Variants in PCED1B observed in about 807,000 individuals in gnomAD.
PCED1B encodes PC-esterase domain containing 1B.
For synonymous variants in PCED1B, 251 were observed against 246.1 expected (o/e 1.02, Z -0.19); for missense variants, 573 against 573.9 (o/e 1.00, Z 0.02).
intron 2 of PCED1B, among the ~76,000 whole-genome samples, chr12:47,124,514 T>G (rs1939809171): frequency 6.6e-6 from 1 of 151,718 alleles, no homozygotes; most frequent in Admixed American, 6.6e-5. Context: ...CATGAGGTTT[T>G]TTTTTTTTTG....
At position 47,099,795 on chromosome 12, in the gene PCED1B, A is replaced by G. The variant is rs1288325502; in HGVS notation, c.-608-4318A>G. The stretch of plus-strand genomic sequence containing the variant: ...TAAAGTGTTGCTTAAAGAAGCCACT[A>G]TTAGCAATTGAAAAGGACTTTCTAG... On this transcript the variant is annotated intron_variant, in intron 1 of 3. Coordinates refer to ENST00000546455, the MANE Select transcript of PCED1B (RefSeq NM_138371.3). 1.3e-5 allele frequency among the ~76,000 whole-genome samples: 2 copies of G among 152,236 alleles called. 1 individual carries two copies. The highest frequency in any genetic ancestry group is 4.8e-5 in the African/African-American group (2 of 41,458).
chr12:47,169,146 A>G (rs1156719303), intron 2 of PCED1B, among the ~76,000 whole-genome samples: 3 of 152,232 alleles, frequency 2.0e-5, no homozygotes, highest in Non-Finnish European at 4.4e-5. Flanking sequence ...GACCTAAAGA[A>G]ACAGTTAACC....
chr12:47,109,355 CTTTT>C (rs66532090), intron 2 of PCED1B, among the ~76,000 whole-genome samples: 1 of 147,742 alleles, frequency 6.8e-6, no homozygotes. Flanking sequence ...ACTTGAAAAA[CTTTT>C]TTTTTTTTTT....
At chr12:47,118,496 G>C (rs1302866750) in intron 2 of PCED1B, among the ~76,000 whole-genome samples, 1 of 152,178 alleles carries the variant, frequency 6.6e-6, no homozygotes, top group Admixed American at 6.5e-5. Context: ...AGATCAGATG[G>C]TTGTAGATGT....
chr12:47,181,100 C>T (rs1340346097), intron 2 of PCED1B, among the ~76,000 whole-genome samples: 1 of 151,956 alleles, frequency 6.6e-6, no homozygotes, highest in Non-Finnish European at 1.5e-5. Flanking sequence ...TCCCCCACCT[C>T]AGCCTCCTGG....
chr12:47,144,789 T>A (rs1940725477), intron 2 of PCED1B, among the ~76,000 whole-genome samples: 2 of 152,230 alleles, frequency 1.3e-5, no homozygotes, highest in South Asian at 4.1e-4. Context: ...ACGTTGTGTG[T>A]GTTCTGTCTG....
rs1051434647 is a variant in PCED1B at position 47,173,585 on chromosome 12, C to CT, written c.-525-42625dup. On this transcript the variant is annotated intron_variant, in intron 2 of 3. Coordinates refer to ENST00000546455, the MANE Select transcript of PCED1B (RefSeq NM_138371.3). ...CCTTAATTCTGTACATAAACACATA[C>CT]TTTTTTTTTTTTCTTAAACATGGTG... Among the ~76,000 whole-genome samples, 457 of 147,024 alleles carry CT rather than the reference C, an allele frequency of 3.1e-3. 1 individual carries two copies. Among genetic ancestry groups the CT allele is most frequent in the African/African-American group, 9.6e-3 (386 of 40,326 alleles).
intron 3 of PCED1B, among the ~76,000 whole-genome samples, chr12:47,223,169 C>T (rs1943536653): frequency 6.6e-6 from 1 of 151,972 alleles, no homozygotes; most frequent in Admixed American, 6.6e-5. Flanking sequence ...AAGAGAAACC[C>T]TCAAAAGATA....
At chr12:47,139,035 C>T (rs1008108353) in intron 2 of PCED1B, among the ~76,000 whole-genome samples, 2 of 152,134 alleles carry the variant, frequency 1.3e-5, no homozygotes, top group Non-Finnish European at 2.9e-5. Context: ...TATTATCTGT[C>T]TCCTTGAATA....
intron 2 of PCED1B, among the ~76,000 whole-genome samples, chr12:47,151,780 A>C (rs1332860557): frequency 6.6e-6 from 1 of 152,192 alleles, no homozygotes; most frequent in African/African-American, 2.4e-5. Context: ...CTTTTATTCT[A>C]TTCAGGCCTT....
At chr12:47,089,457 A>AATAC (rs1555187967) in intron 1 of PCED1B, among the ~76,000 whole-genome samples, 2 of 29,438 alleles carry the variant, frequency 6.8e-5, no homozygotes, top group Admixed American at 5.6e-4. Flanking sequence ...AAAAAAAAAA[A>AATAC]ATACATATAT....
At chr12:47,141,248 T>C (rs1008118339) in intron 2 of PCED1B, among the ~76,000 whole-genome samples, 9 of 152,222 alleles carry the variant, frequency 5.9e-5, no homozygotes, top group African/African-American at 1.9e-4. Flanking sequence ...AAGAACTTGG[T>C]AGCCATCCAT....
Position 47,142,644 on chromosome 12 carries a change from C to A in PCED1B, c.-526+38449C>A, listed in dbSNP as rs574619637. ...AACATAGAAAAGAACCAAACAAAAT[C>A]TTAGAGCTGAGGAATATAATGACAG... On this transcript the variant is annotated intron_variant, in intron 2 of 3. Coordinates refer to ENST00000546455, the MANE Select transcript of PCED1B (RefSeq NM_138371.3). Among the ~76,000 whole-genome samples the A allele has an allele frequency of 1.0e-3, 154 of 151,886 alleles. 1 individual carries two copies. The highest frequency in any genetic ancestry group is 4.4e-3 in the South Asian group (21 of 4,804).
intron 2 of PCED1B, among the ~76,000 whole-genome samples, chr12:47,195,798 T>G (rs1942585531): frequency 6.6e-6 from 1 of 152,258 alleles, no homozygotes; most frequent in Admixed American, 6.5e-5. Flanking sequence ...CTATTCACAT[T>G]TTATGTATAG....
At chr12:47,124,961 C>T (rs1247776492) in intron 2 of PCED1B, among the ~76,000 whole-genome samples, 1 of 152,000 alleles carries the variant, frequency 6.6e-6, no homozygotes, top group African/African-American at 2.4e-5. Flanking sequence ...CCAATCTGTG[C>T]TTGAATTTTC....
At chr12:47,148,470 A>C (rs1352668360) in intron 2 of PCED1B, among the ~76,000 whole-genome samples, 5 of 152,198 alleles carry the variant, frequency 3.3e-5, no homozygotes, top group African/African-American at 1.2e-4. Context: ...GCTATAGGGC[A>C]GGAAACCAAA....
At chr12:47,196,788 G>T (rs376611492) in intron 2 of PCED1B, among the ~76,000 whole-genome samples, 100 of 152,102 alleles carry the variant, frequency 6.6e-4, no homozygotes, top group African/African-American at 2.2e-3. Context: ...TCGTGCCACT[G>T]CACTCCAGCC....
chr12:47,151,279 T>C (rs933814397), intron 2 of PCED1B, among the ~76,000 whole-genome samples: 5 of 152,142 alleles, frequency 3.3e-5, no homozygotes, highest in Non-Finnish European at 7.3e-5. Flanking sequence ...TACATTTAAA[T>C]ATATTTAGAT....
At chr12:47,184,031 CT>C (rs1032002478) in intron 2 of PCED1B, among the ~76,000 whole-genome samples, 2 of 152,250 alleles carry the variant, frequency 1.3e-5, no homozygotes, top group African/African-American at 4.8e-5. Context: ...GAATATTTTT[CT>C]TTTTCTTCTT....
Sources: gnomAD v4.1 joint callset for allele counts (sites outside exome capture counted in the v4.1 genomes callset) on GRCh38, gnomAD v4.1.1 for gene constraint, MANE v1.5 for transcripts, NCBI Gene and HGNC (gene_info 2026-07-23, HGNC 2026-07-21) for gene names.